The following DAB1 variants were observed in gnomAD, a reference collection of about 807,000 sequenced individuals.
DAB1 encodes DAB adaptor protein 1.
DAB1 carries 15 observed loss-of-function variants against 64.6 expected under a neutral mutation model. That is an observed-to-expected ratio of 0.23 (90% confidence interval 0.16 to 0.36). The LOEUF is 0.36. Among genes scored for constraint, DAB1 ranks in the 10% least tolerant of loss-of-function variants. The pLI, the probability that DAB1 is intolerant of heterozygous loss-of-function variation, is 1.00. For missense variants in DAB1, 596 were observed against 706.7 expected (o/e 0.84, Z 1.78); for synonymous variants, 235 against 251.9 (o/e 0.93, Z 0.64).
chr1:57,299,002 T>G (rs1673422846), intron 1 of DAB1, among the ~76,000 whole-genome samples: 1 of 152,212 alleles, frequency 6.6e-6, no homozygotes, highest in Admixed American at 6.5e-5. Context: ...AGTGTCTCTA[T>G]AAAATTCTGA....
intron 2 of DAB1, among the ~76,000 whole-genome samples, chr1:57,226,085 A>G (rs1667239432): frequency 6.6e-6 from 1 of 151,928 alleles, no homozygotes; most frequent in Admixed American, 6.6e-5. Context: ...GTTCCTCTTC[A>G]TCTAAATGTT....
intron 5 of DAB1, among the ~76,000 whole-genome samples, chr1:58,042,494 A>C (rs1647151472): frequency 6.6e-6 from 1 of 152,204 alleles, no homozygotes; most frequent in Non-Finnish European, 1.5e-5. Flanking sequence ...CCTTTCAAGC[A>C]GGTTGTACAC....
chr1:57,898,586 A>T (rs1644425730), intron 5 of DAB1, among the ~76,000 whole-genome samples: 1 of 152,180 alleles, frequency 6.6e-6, no homozygotes, highest in African/African-American at 2.4e-5. Flanking sequence ...AATTAAAAAA[A>T]TATCAGGGAA....
chr1:58,021,506 G>T (rs1646814256), intron 5 of DAB1, among the ~76,000 whole-genome samples: 1 of 152,118 alleles, frequency 6.6e-6, no homozygotes, highest in Non-Finnish European at 1.5e-5. Flanking sequence ...CTCCAGAAAG[G>T]GATGTTTCCA....
chr1:57,388,708 G>C (rs1329097806), intron 1 of DAB1, among the ~76,000 whole-genome samples: 1 of 152,080 alleles, frequency 6.6e-6, no homozygotes. Flanking sequence ...CAGACCTTTT[G>C]GAAGTGAGCT....
In DAB1 at chr1:57,687,599, CAAAAAAAAAA is replaced by C. The variant is rs57316234; in HGVS notation, n.552-37944_552-37935del. Among the ~76,000 whole-genome samples, 234 of 82,464 alleles carry C rather than the reference CAAAAAAAAAA, an allele frequency of 2.8e-3. 1 individual carries two copies. The highest frequency in any genetic ancestry group is 6.9e-3 in the African/African-American group (158 of 22,954). 54.1% of individuals were successfully genotyped at this position (82,464 alleles called of 152,430 possible). A position where few individuals can be genotyped will look rare whatever the true frequency, so the allele number is the denominator to read the frequency against. On this transcript the variant is annotated intron_variant and non_coding_transcript_variant, in intron 6 of 20. Transcript: ENST00000485760. ...GAATATCGAAAGTAATCTTAAGAAACAAAAAAAAAAAAAAAAAAAAGAAAAAAAGAACAAA... is the reference window on the plus strand; with the variant it reads ...GAATATCGAAAGTAATCTTAAGAAACAAAAAAAAAAGAAAAAAAGAACAAA...
intron 1 of DAB1, among the ~76,000 whole-genome samples, chr1:57,310,528 T>A (rs891524081): frequency 6.6e-6 from 1 of 152,160 alleles, no homozygotes. Context: ...TGGCTCGTAG[T>A]CTAGCAGGAA....
intron 7 of DAB1, among the ~76,000 whole-genome samples, chr1:57,598,617 A>G (rs1271058112): frequency 6.6e-6 from 1 of 152,200 alleles, no homozygotes; most frequent in Non-Finnish European, 1.5e-5. Flanking sequence ...CACCCTCCCA[A>G]GGAGATGCCA....
chr1:57,120,741 G>T (rs925930045), intron 4 of DAB1, among the ~76,000 whole-genome samples: 1 of 152,148 alleles, frequency 6.6e-6, no homozygotes, highest in African/African-American at 2.4e-5. Context: ...GGTTCACTTA[G>T]AATAATGTCT....
chr1:57,960,084 T>G (rs930011069), intron 5 of DAB1, among the ~76,000 whole-genome samples: 1 of 152,146 alleles, frequency 6.6e-6, no homozygotes, highest in African/African-American at 2.4e-5. Flanking sequence ...CCTGGGCTGA[T>G]AGCAATCAGG....
chr1:57,982,344 C>A (rs1023177693), intron 5 of DAB1, among the ~76,000 whole-genome samples: 2 of 152,202 alleles, frequency 1.3e-5, no homozygotes, highest in African/African-American at 2.4e-5. Context: ...AAATGACAAG[C>A]AATGGCTGCA....
intron 6 of DAB1, among the ~76,000 whole-genome samples, chr1:57,715,980 G>A (rs913372689): frequency 1.3e-5 from 2 of 152,012 alleles, no homozygotes; most frequent in African/African-American, 2.4e-5. Flanking sequence ...GCATGAACTC[G>A]GCTCACTGCA....
Position 57,892,679 on chromosome 1 carries a change from C to T in DAB1, n.388-8517G>A, listed in dbSNP as rs1287959311. On this transcript the variant is annotated intron_variant and non_coding_transcript_variant, in intron 5 of 20. Transcript: ENST00000485760. ...GTGCTTCTTCAGCTATTTTTGTTTT[C>T]TTCTATTCTAACACGTACAATACAT... Among the ~76,000 whole-genome samples the T allele has an allele frequency of 2.0e-5, 3 of 152,116 alleles. No homozygotes were observed. The East Asian group carries it at 5.8e-4, about 29-fold the overall frequency.
At chr1:57,533,656 T>C (rs1644691884) in intron 7 of DAB1, among the ~76,000 whole-genome samples, 2 of 131,540 alleles carry the variant, frequency 1.5e-5, no homozygotes, top group South Asian at 5.6e-4. Flanking sequence ...ACCATTCAGC[T>C]TCCTTGCAGC....
intron 5 of DAB1, among the ~76,000 whole-genome samples, chr1:58,016,749 C>T (rs900825118): frequency 2.6e-5 from 4 of 152,164 alleles, no homozygotes; most frequent in Non-Finnish European, 4.4e-5. Flanking sequence ...CTCCATTCTC[C>T]ATCTGTAATA....
chr1:58,164,041 T>A, intron 4 of DAB1, among the ~76,000 whole-genome samples: 1 of 152,222 alleles, frequency 6.6e-6, no homozygotes, highest in Middle Eastern at 3.4e-3. Context: ...TGCAAACACG[T>A]GGCAACCCTT....
intron 2 of DAB1, among the ~76,000 whole-genome samples, chr1:57,211,504 T>A (rs1666004496): frequency 1.3e-5 from 2 of 152,290 alleles, no homozygotes; most frequent in South Asian, 4.1e-4. Flanking sequence ...TTGCTTTGAA[T>A]CATCACTTTA....
chr1:58,135,314 A>G (rs1653880197), intron 5 of DAB1, among the ~76,000 whole-genome samples: 1 of 152,074 alleles, frequency 6.6e-6, no homozygotes. Flanking sequence ...GATAAAGGAG[A>G]AGGAAGAATG....
intron 7 of DAB1, among the ~76,000 whole-genome samples, chr1:57,430,401 A>C (rs1385876519): frequency 1.4e-5 from 2 of 143,602 alleles, no homozygotes; most frequent in Non-Finnish European, 3.0e-5. Flanking sequence ...TTTGAGACGG[A>C]GTCTTGCTCT....
Sources: gnomAD v4.1 joint callset for allele counts (sites outside exome capture counted in the v4.1 genomes callset) on GRCh38, gnomAD v4.1.1 for gene constraint, MANE v1.5 for transcripts, NCBI Gene and HGNC (gene_info 2026-07-23, HGNC 2026-07-21) for gene names.